NKAIN4: variants seen among roughly 807,000 people sequenced by gnomAD.
NKAIN4 encodes sodium/potassium transporting ATPase interacting 4.
A neutral mutation model predicts 28.8 loss-of-function variants in NKAIN4; 28 were observed. The observed-to-expected ratio is 0.97, with a 90% CI of 0.72 to 1.33. The LOEUF is 1.33. Among genes scored for constraint, NKAIN4 ranks in the 40% most tolerant of loss-of-function variants. The pLI, the probability that NKAIN4 is intolerant of heterozygous loss-of-function variation, is 0.00. For missense variants in NKAIN4, 289 were observed against 277.2 expected (o/e 1.04, Z -0.30); for synonymous variants, 122 against 115.6 (o/e 1.06, Z -0.36).
chr20:63,246,207 T>C (rs553441323), intron 4 of NKAIN4, among the ~76,000 whole-genome samples: 11 of 152,276 alleles, frequency 7.2e-5, no homozygotes, highest in South Asian at 2.1e-4. Flanking sequence ...GGATTACAGG[T>C]GTGAGCCACC....
chr20:63,253,603 C>T lies in NKAIN4; in HGVS notation c.54+794G>A, dbSNP rs915731542. On this transcript the variant is annotated intron_variant, in intron 1 of 6. Transcript: ENST00000370316. ...GCCAATTAGCATCGAAGCAAAGCAG[C>T]TTCCCCAGCCTGGACAGGCGAGGCC... is the stretch of plus-strand genomic sequence containing the variant. 3 of 789,824 alleles carry T rather than the reference C, an allele frequency of 3.8e-6. No individual in the cohort carries two copies. In the African/African-American group the frequency reaches 5.6e-5, roughly 15 times the overall value. 48.9% of individuals were successfully genotyped at this position (789,824 alleles called of 1,614,324 possible). A position where few individuals can be genotyped will look rare whatever the true frequency, so the allele number is the denominator to read the frequency against.
chr20:63,246,278 T>C lies in NKAIN4; in HGVS notation c.471+1300A>G, dbSNP rs1275816978. On this transcript the variant is annotated intron_variant, in intron 4 of 6. Transcript: ENST00000370316. ...CAAAGCCTAATCTCAGGAGCTTTGA[T>C]GTGCACACTTGGGAAATTGGCTCTT... 2.0e-5 allele frequency among the ~76,000 whole-genome samples: 3 copies of C among 151,834 alleles called. 1 individual carries two copies. Among genetic ancestry groups the C allele is most frequent in the South Asian group, 2.1e-4 (1 of 4,788 alleles).
Position 63,247,667 on chromosome 20 carries a change from G to C in NKAIN4, c.382C>G (p.His128Asp). Residue 128 changes from histidine to aspartate, a missense_variant, in exon 4 of 7, where the codon CAT becomes GAT. His to Asp is a moderately conservative substitution (Grantham distance 81, BLOSUM62 -1). Transcript: ENST00000370316. ...EVPAVGLGAP[H>D]GQALVSGAGC... Reference sequence around the variant, plus strand: ...GCACCTGACACCAGGGCCTGGCCATGGGGGGCCCCGAGGCCCACTGCTGGC... The same window carrying C: ...GCACCTGACACCAGGGCCTGGCCATCGGGGGCCCCGAGGCCCACTGCTGGC... The C allele has an allele frequency of 6.5e-7, 1 of 1,544,036 alleles. No homozygotes were observed. Among genetic ancestry groups the C allele is most frequent in the Non-Finnish European group, 8.7e-7 (1 of 1,143,518 alleles).
chr20:63,246,457 T>A, intron 4 of NKAIN4: 1 of 976,570 alleles, frequency 1.0e-6, no homozygotes, highest in Non-Finnish European at 1.2e-6. Flanking sequence ...AGCACCTTCC[T>A]GGCCTGATTT....
In NKAIN4 at chr20:63,254,418, G is replaced by C; in HGVS notation, c.33C>G (p.Val11=). Residue 11 remains valine, a synonymous_variant, in exon 1 of 7, where the codon GTC becomes GTG. Coordinates refer to ENST00000370316, the MANE Select transcript of NKAIN4 (RefSeq NM_152864.4). MGSCSGRCAL[V]VLCAFQLVAA... The stretch of plus-strand genomic sequence containing the variant: ...TCACCAGCTGAAAAGCGCAGAGGAC[G>C]ACGAGCGCGCAGCGGCCGGAGCAGG... 1 of 1,445,428 alleles carries C rather than the reference G, an allele frequency of 6.9e-7. No homozygotes were observed. The highest frequency in any genetic ancestry group is 9.1e-7 in the Non-Finnish European group (1 of 1,099,936). 89.5% of individuals were successfully genotyped at this position (1,445,428 alleles called of 1,614,324 possible). A position where few individuals can be genotyped will look rare whatever the true frequency, so the allele number is the denominator to read the frequency against.
At chr20:63,241,716 T>A in intron 6 of NKAIN4, 1 of 696,964 alleles carries the variant, frequency 1.4e-6, no homozygotes, top group Non-Finnish European at 2.7e-6. Context: ...GTCTTGTGCC[T>A]GTTTGCTGAC....
At chr20:63,254,107 G>C in intron 1 of NKAIN4, 1 of 431,520 alleles carries the variant, frequency 2.3e-6, no homozygotes, top group Non-Finnish European at 4.3e-6. Context: ...GAAGGCTTCC[G>C]TCCGGCCAGC....
rs140342700 is a variant in NKAIN4, at chr20:63,250,011, G to T, written c.116C>A (p.Ala39Asp). ...FLGYQWAPIL[A>D]NFVHIIIVIL... ...GACGATGATGATGTGGACAAAGTTG[G>T]CCAGGATGGGCGCCCACTGGTAGCC... Residue 39 changes from alanine to aspartate, a missense_variant, in exon 2 of 7, where the codon GCC becomes GAC. Coordinates refer to ENST00000370316, the MANE Select transcript of NKAIN4 (RefSeq NM_152864.4). 9.4e-5 allele frequency: 151 copies of T among 1,610,190 alleles called. No individual in the cohort carries two copies. The African/African-American group carries it at 1.9e-3, about 20-fold the overall frequency.
At chr20:63,250,956 A>G (rs2066948360) in intron 1 of NKAIN4, among the ~76,000 whole-genome samples, 1 of 148,590 alleles carries the variant, frequency 6.7e-6, no homozygotes, top group Non-Finnish European at 1.5e-5. Context: ...TCCCAGCCAA[A>G]AGACACCTGG....
intron 5 of NKAIN4, among the ~76,000 whole-genome samples, chr20:63,243,655 C>T (rs45469101): frequency 0.091 from 13,897 of 152,218 alleles, 662 homozygotes; most frequent in Middle Eastern, 0.14. Flanking sequence ...CTGATGTGAG[C>T]GTCCTGGCCA....
At position 63,252,963 on chromosome 20, in the gene NKAIN4, ACAC is replaced by A. The variant is rs970962466; in HGVS notation, c.54+1431_54+1433del. 1.3e-5 allele frequency among the ~76,000 whole-genome samples: 2 copies of A among 151,904 alleles called. No homozygotes were observed. Among genetic ancestry groups the A allele is most frequent in the Non-Finnish European group, 2.9e-5 (2 of 67,980 alleles). ...GCACCATCAACCCCAGCACATCCTC[ACAC>A]CACCTTCAACAGATGGAAACCAATG... On this transcript the variant is annotated intron_variant, in intron 1 of 6. Transcript: ENST00000370316. The surrounding 1 kb of genome is among the most constrained non-coding windows in gnomAD (Gnocchi z 4.6).
rs770669548 is a variant in NKAIN4, at chr20:63,242,578, T to C, written c.578A>G (p.Asn193Ser). The stretch of plus-strand genomic sequence containing the variant: ...GGACAAGAGACTGGATGGCTTTTCA[T>C]TGACATGGTAGAGAGGAAATGGATC... ...GFDPFPLYHV[N>S]EKPSSLLSKQ... The change falls in exon 6 of 7, where the codon AAT (asparagine) becomes AGT (serine). Residue 193 changes from asparagine to serine, a missense_variant. Asn to Ser is a conservative substitution (Grantham distance 46, BLOSUM62 1). Transcript: ENST00000370316. The C allele has an allele frequency of 1.1e-5, 18 of 1,613,558 alleles. No homozygotes were observed. The highest frequency in any genetic ancestry group is 1.1e-4 in the African/African-American group (8 of 74,906).
At chr20:63,243,815 T>C (rs937061981) in intron 5 of NKAIN4, 1 of 509,358 alleles carries the variant, frequency 2.0e-6, no homozygotes, top group Non-Finnish European at 3.5e-6. Flanking sequence ...AGCTGACCCC[T>C]GGAGCCCCCA....
chr20:63,241,519 G>C lies in NKAIN4; in HGVS notation c.618-13C>G, dbSNP rs1296103905. 1 of 1,549,838 alleles carries C rather than the reference G, an allele frequency of 6.5e-7. No individual in the cohort carries two copies. The highest frequency in any genetic ancestry group is 2.4e-5 in the East Asian group (1 of 40,878). Reference sequence around the variant, plus strand: ...CACTTACGCAGGCCTGTGGGGACAAGGTCAGAGAGCACCTGGGGGAACAGG... The same window carrying C: ...CACTTACGCAGGCCTGTGGGGACAACGTCAGAGAGCACCTGGGGGAACAGG... On this transcript the variant is annotated splice_polypyrimidine_tract_variant and intron_variant, in intron 6 of 6. Coordinates refer to ENST00000370316, the MANE Select transcript of NKAIN4 (RefSeq NM_152864.4).
chr20:63,246,753 CTT>C, intron 4 of NKAIN4: 1 of 976,782 alleles, frequency 1.0e-6, no homozygotes, highest in Non-Finnish European at 1.2e-6. Flanking sequence ...CCCCGGAGCT[CTT>C]GAGGTGAAAC....
intron 5 of NKAIN4, 21 bp from the exon 6 acceptor site, chr20:63,242,644 A>G (rs2066777054): frequency 6.4e-7 from 1 of 1,572,910 alleles, no homozygotes; most frequent in South Asian, 1.1e-5. Flanking sequence ...TCAAGACCCA[A>G]ATAAAACAAA....
intron 1 of NKAIN4, among the ~76,000 whole-genome samples, chr20:63,251,147 A>G (rs1003652274): frequency 4.4e-4 from 65 of 149,232 alleles, no homozygotes; most frequent in African/African-American, 1.5e-3. Flanking sequence ...CCTGCCTGGC[A>G]GCCGAGGCAG....
rs910376092 is a variant in NKAIN4, at chr20:63,247,802, C to T, written c.274-27G>A. On this transcript the variant is annotated intron_variant, in intron 3 of 6. Transcript: ENST00000370316. ...TAGGGGAGAGGTGCAGGAGCAGGGC[C>T]GGTTAGCACCAGGAGGTGGGCGGCC... The T allele has an allele frequency of 2.2e-5, 32 of 1,425,936 alleles. No individual in the cohort carries two copies. The East Asian group carries it at 2.6e-4, about 12-fold the overall frequency. 88.3% of individuals were successfully genotyped at this position (1,425,936 alleles called of 1,614,324 possible). A position where few individuals can be genotyped will look rare whatever the true frequency, so the allele number is the denominator to read the frequency against.
chr20:63,244,641 G>T, intron 4 of NKAIN4: 1 of 434,604 alleles, frequency 2.3e-6, no homozygotes, highest in South Asian at 1.7e-5. Flanking sequence ...GCTGCCTTTG[G>T]GGCAGGGGTC....
Sources: gnomAD v4.1 joint callset for allele counts (sites outside exome capture counted in the v4.1 genomes callset) on GRCh38, gnomAD v4.1.1 for gene constraint, Gnocchi (gnomAD v3.1) non-coding constraint, MANE v1.5 for transcripts, NCBI Gene and HGNC (gene_info 2026-07-23, HGNC 2026-07-21) for gene names.